The following PTPRD variants were observed in gnomAD, a reference collection of about 807,000 sequenced individuals.
The protein encoded by PTPRD is receptor-type tyrosine-protein phosphatase delta.
A neutral mutation model predicts 214.5 loss-of-function variants in PTPRD; 34 were observed. The ratio of observed to expected loss-of-function variants is 0.16; its 90% CI spans 0.12 to 0.21. PTPRD has a LOEUF of 0.21. Ranked by LOEUF, PTPRD falls within the 10% of genes least tolerant of loss-of-function variation. The pLI is 1.00. For missense variants in PTPRD, 2,545 were observed against 2,398.7 expected (o/e 1.06, Z -1.27); for synonymous variants, 1,128 against 845.7 (o/e 1.33, Z -5.79).
intron 11 of PTPRD, among the ~76,000 whole-genome samples, chr9:8,869,632 C>G (rs773650208): frequency 1.3e-5 from 2 of 151,912 alleles, no homozygotes; most frequent in Non-Finnish European, 1.5e-5. Context: ...TTTTATTGCT[C>G]CCAGGAAAAT....
At position 8,619,625 on chromosome 9, in the gene PTPRD, C is replaced by T. The variant is rs536155246; in HGVS notation, c.352+13692G>A. Among the ~76,000 whole-genome samples, 8 of 152,072 alleles carry T rather than the reference C, an allele frequency of 5.3e-5. No individual in the cohort carries two copies. In the South Asian group the frequency reaches 1.7e-3, roughly 32 times the overall value. On this transcript the variant is annotated intron_variant, in intron 14 of 45. Transcript: ENST00000381196. ...ATTTTTCACAACCATTCAGCTCTTA[C>T]ATCCCACTCCACCCCATCTTTTTGT...
chr9:8,426,679 A>T (rs2094697383), intron 35 of PTPRD, among the ~76,000 whole-genome samples: 1 of 152,190 alleles, frequency 6.6e-6, no homozygotes, highest in African/African-American at 2.4e-5. Flanking sequence ...AAGGACTGGG[A>T]AACAGAAAAC....
chr9:10,258,851 C>CTT (rs553282105), intron 3 of PTPRD, among the ~76,000 whole-genome samples: 214 of 152,128 alleles, frequency 1.4e-3, no homozygotes, highest in African/African-American at 4.9e-3. Flanking sequence ...ATTTTTTATA[C>CTT]TTAATTTATA....
intron 5 of PTPRD, among the ~76,000 whole-genome samples, chr9:9,868,238 C>CA (rs1290436318): frequency 3.3e-5 from 5 of 152,118 alleles, no homozygotes; most frequent in Admixed American, 3.3e-4. Context: ...ATCATCAAAA[C>CA]AAACCTCTAA....
intron 21 of PTPRD, among the ~76,000 whole-genome samples, chr9:8,510,421 C>T (rs940299120): frequency 6.6e-6 from 1 of 152,210 alleles, no homozygotes; most frequent in Non-Finnish European, 1.5e-5. Flanking sequence ...AGAGTGCCCA[C>T]CACCTGAAGA....
At chr9:10,360,904 C>T (rs1291873327) in intron 2 of PTPRD, among the ~76,000 whole-genome samples, 1 of 152,100 alleles carries the variant, frequency 6.6e-6, no homozygotes, top group Non-Finnish European at 1.5e-5. Flanking sequence ...AGATCGAGGC[C>T]ATCCTGGCTA....
chr9:10,096,561 C>CCTT (rs1337535640), intron 3 of PTPRD, among the ~76,000 whole-genome samples: 29 of 151,938 alleles, frequency 1.9e-4, no homozygotes, highest in African/African-American at 5.8e-4. Flanking sequence ...CTGTTCATGT[C>CCTT]CAATGCCCAC....
chr9:8,840,157 A>T (rs1188418833), intron 11 of PTPRD, among the ~76,000 whole-genome samples: 1 of 152,206 alleles, frequency 6.6e-6, no homozygotes, highest in African/African-American at 2.4e-5. Context: ...AGCAGTACAC[A>T]TTAGTAGAAC....
intron 4 of PTPRD, among the ~76,000 whole-genome samples, chr9:9,947,589 TATATATA>T (rs1566625019): frequency 4.0e-5 from 2 of 50,152 alleles, no homozygotes; most frequent in South Asian, 9.8e-4. Flanking sequence ...ATATATATTA[TATATATA>T]ATATATATAT....
intron 7 of PTPRD, among the ~76,000 whole-genome samples, chr9:9,626,184 C>G (rs1217498569): frequency 6.6e-6 from 1 of 152,310 alleles, no homozygotes; most frequent in East Asian, 1.9e-4. Flanking sequence ...GCCCCACTCT[C>G]CACTAGACAG....
chr9:9,938,975 G>C (rs754000085), intron 4 of PTPRD, among the ~76,000 whole-genome samples: 23 of 151,362 alleles, frequency 1.5e-4, no homozygotes, highest in Non-Finnish European at 3.1e-4. Context: ...AAACTCCAGA[G>C]AGAAGCTGAT....
chr9:10,034,406 A>ATTTTTTT (rs1567216458), intron 3 of PTPRD, among the ~76,000 whole-genome samples: 1 of 103,254 alleles, frequency 9.7e-6, no homozygotes, highest in Non-Finnish European at 2.2e-5. Flanking sequence ...TCCTGGCTCT[A>ATTTTTTT]CTTTTTTTTT....
chr9:10,587,780 C>G (rs2074308310), intron 2 of PTPRD, among the ~76,000 whole-genome samples: 1 of 151,934 alleles, frequency 6.6e-6, no homozygotes, highest in Admixed American at 6.6e-5. Context: ...TAGTCTATTC[C>G]CTCCACACTT....
At position 9,937,232 on chromosome 9, in the gene PTPRD, AAAAAAT is replaced by A. The variant is rs1436976031; in HGVS notation, c.-368+1269_-368+1274del. 2.5e-4 allele frequency among the ~76,000 whole-genome samples: 38 copies of A among 149,466 alleles called. No individual in the cohort carries two copies. The East Asian group carries it at 6.6e-3, about 26-fold the overall frequency. ...CTAAAACTTAAAGTAAAATAATAAA[AAAAAAT>A]AAAAAATAAAAAATAAAAAATAAAT... On this transcript the variant is annotated intron_variant, in intron 5 of 45. Coordinates refer to ENST00000381196, the MANE Select transcript of PTPRD (RefSeq NM_002839.4).
chr9:8,627,743 T>C (rs1193108533), intron 14 of PTPRD, among the ~76,000 whole-genome samples: 1 of 151,834 alleles, frequency 6.6e-6, no homozygotes, highest in Non-Finnish European at 1.5e-5. Context: ...CCCCAGATTT[T>C]CAGTTTTAAT....
intron 44 of PTPRD, among the ~76,000 whole-genome samples, chr9:8,324,724 A>G (rs546433223): frequency 6.6e-6 from 1 of 152,298 alleles, no homozygotes; most frequent in East Asian, 1.9e-4. Flanking sequence ...CCAACAGTGT[A>G]AAAGCATTCC....
At chr9:9,250,149 G>C (rs534952543) in intron 9 of PTPRD, among the ~76,000 whole-genome samples, 2 of 152,064 alleles carry the variant, frequency 1.3e-5, no homozygotes, top group South Asian at 2.1e-4. Context: ...TTAATATATG[G>C]CCACAATGTT....
Position 8,944,027 on chromosome 9 carries a change from T to C in PTPRD, c.-104+74670A>G, listed in dbSNP as rs141869077. Among the ~76,000 whole-genome samples the C allele has an allele frequency of 5.9e-5, 9 of 151,948 alleles. No homozygotes were observed. In the East Asian group the frequency reaches 1.7e-3, roughly 29 times the overall value. On this transcript the variant is annotated intron_variant, in intron 11 of 45. Coordinates refer to ENST00000381196, the MANE Select transcript of PTPRD (RefSeq NM_002839.4). ...CTGAAAAGGATTAATAACCAGAATA[T>C]GTAAGGAGCTCAAACAACTAAGTAG...
At chr9:10,073,501 G>C (rs772710401) in intron 3 of PTPRD, among the ~76,000 whole-genome samples, 38 of 152,014 alleles carry the variant, frequency 2.5e-4, no homozygotes, top group Non-Finnish European at 4.4e-4. Context: ...ATAACATTAG[G>C]TAAAAATTAA....
Sources: allele counts gnomAD v4.1 joint callset (sites outside exome capture counted in the v4.1 genomes callset), GRCh38; gene constraint gnomAD v4.1.1; transcripts MANE v1.5; gene names NCBI Gene and HGNC (gene_info 2026-07-23, HGNC 2026-07-21).